Variants in ZNF423 observed in about 807,000 individuals in gnomAD.
ZNF423 encodes the protein Ebf-associated zinc finger protein.
In ZNF423, 12 loss-of-function variants were observed where a neutral mutation model predicts 95.8. The ratio of observed to expected loss-of-function variants is 0.13; its 90% CI spans 0.08 to 0.20. The LOEUF (loss-of-function observed/expected upper bound fraction) is 0.20. ZNF423 is among the 10% of genes least tolerant of loss of function. The probability of loss-of-function intolerance (pLI) is 1.00; values close to 1 mark genes in which losing one functional copy is unlikely to be tolerated. For missense variants in ZNF423, 1,316 were observed against 1,737.1 expected (o/e 0.76, Z 4.31); for synonymous variants, 749 against 711.9 (o/e 1.05, Z -0.83).
upstream of ZNF423, among the ~76,000 whole-genome samples, chr16:49,856,377 G>C (rs1311332653): frequency 6.7e-6 from 1 of 148,986 alleles, no homozygotes; most frequent in Non-Finnish European, 1.5e-5. Context: ...ATCTCAAGGG[G>C]GGAGGAGACC....
Position 49,487,854 on chromosome 16 carries a change from C to T in ZNF423, c.*3421G>A, listed in dbSNP as rs919054282. 1 of 152,276 alleles carries T rather than the reference C, an allele frequency of 6.6e-6. No homozygotes were observed. Among genetic ancestry groups the T allele is most frequent in the African/African-American group, 2.4e-5 (1 of 41,460 alleles). 9.4% of individuals were successfully genotyped at this position (152,276 alleles called of 1,614,324 possible). ...TTCTTCAGGTCTCAAGCCCCTGCCT[C>T]AGCAAGGCCTTCCTTAATGCACCCC... On this transcript the variant is annotated 3_prime_UTR_variant, in exon 8 of 8. Transcript: ENST00000563137.
chr16:49,607,424 A>G (rs1971575332), intron 5 of ZNF423, among the ~76,000 whole-genome samples: 1 of 152,142 alleles, frequency 6.6e-6, no homozygotes. Flanking sequence ...TGGGTTCTTT[A>G]CTGTGTATGT....
intron 5 of ZNF423, among the ~76,000 whole-genome samples, chr16:49,596,976 T>C (rs1971201638): frequency 1.3e-5 from 2 of 152,206 alleles, no homozygotes; most frequent in Admixed American, 1.3e-4. Context: ...ACGTGGCTCC[T>C]CTCTGCCCTG....
intron 3 of ZNF423, among the ~76,000 whole-genome samples, chr16:49,701,168 A>C (rs1328137672): frequency 6.6e-6 from 1 of 152,268 alleles, no homozygotes; most frequent in Non-Finnish European, 1.5e-5. Flanking sequence ...ACTTTTAAAA[A>C]AACAGAACCA....
rs71138011 is a variant in ZNF423, at chr16:49,845,035, C to CAAAAAAAAAAA, written c.40+10689_40+10699dup. 5.2e-4 allele frequency among the ~76,000 whole-genome samples: 33 copies of CAAAAAAAAAAA among 63,516 alleles called. 1 individual carries two copies. Among genetic ancestry groups the CAAAAAAAAAAA allele is most frequent in the East Asian group, 1.2e-3 (2 of 1,670 alleles). The allele number at this position is 63,516 out of a possible 152,430, so 41.7% of individuals were successfully genotyped here. On this transcript the variant is annotated intron_variant, in intron 1 of 7. Transcript: ENST00000563137. ...GGGCATCAAGAGCGAAACTCCATCTCAAAAAAAAAAAAAAAAAAAAAAAAA... is the reference window on the plus strand; with the variant it reads ...GGGCATCAAGAGCGAAACTCCATCTCAAAAAAAAAAAAAAAAAAAAAAAAAAAAAAAAAAAA...
intron 2 of ZNF423, among the ~76,000 whole-genome samples, chr16:49,741,997 T>C (rs1316365230): frequency 6.6e-6 from 1 of 152,226 alleles, no homozygotes; most frequent in Non-Finnish European, 1.5e-5. Context: ...GTTGGAACCA[T>C]GTCAGACACA....
chr16:49,711,794 T>A (rs1053446181), intron 3 of ZNF423: 4 of 152,140 alleles, frequency 2.6e-5, no homozygotes, highest in Non-Finnish European at 4.4e-5. Context: ...CTGAAGCCTA[T>A]CTTTGAAATT....
At chr16:49,728,332 G>A (rs755530133) in intron 3 of ZNF423, among the ~76,000 whole-genome samples, 2 of 152,278 alleles carry the variant, frequency 1.3e-5, no homozygotes, top group East Asian at 1.9e-4. Flanking sequence ...TTTACCAGGC[G>A]GTAATGAATT....
intron 1 of ZNF423, among the ~76,000 whole-genome samples, chr16:49,824,373 G>C (rs2034983561): frequency 6.6e-6 from 1 of 152,134 alleles, no homozygotes; most frequent in Non-Finnish European, 1.5e-5. Context: ...CAGGTGACAA[G>C]AGACAGAGCC....
intron 2 of ZNF423, among the ~76,000 whole-genome samples, chr16:49,763,498 T>C (rs1292327077): frequency 6.6e-6 from 1 of 152,102 alleles, no homozygotes; most frequent in African/African-American, 2.4e-5. Flanking sequence ...AGGTTTTACA[T>C]AAATGAGCAC....
chr16:49,822,001 C>T (rs1003956320), intron 1 of ZNF423, among the ~76,000 whole-genome samples: 4 of 152,150 alleles, frequency 2.6e-5, no homozygotes, highest in Non-Finnish European at 5.9e-5. Context: ...CATCCCTATC[C>T]TGCTAGAGGA....
chr16:49,700,042 A>G (rs1467510695), intron 3 of ZNF423, among the ~76,000 whole-genome samples: 1 of 151,930 alleles, frequency 6.6e-6, no homozygotes, highest in Non-Finnish European at 1.5e-5. Context: ...AAGGCCAAAG[A>G]CCCTCTGAGA....
chr16:49,637,787 G>A lies in ZNF423; in HGVS notation c.1389C>T (p.Asn463=), dbSNP rs777102272. ...GCAGCTTGCGAACGTGCTCGTTGAG[G>A]TTGTAGAGGGTGGGCATGGAGTCCA... ...ICLDSMPTLY[N]LNEHVRKLHK... Residue 463 remains asparagine (N), a synonymous_variant, in exon 4 of 8, where the codon AAC becomes AAT. Transcript: ENST00000563137. The surrounding 1 kb of genome is among the most constrained non-coding windows in gnomAD (Gnocchi z 5.6). The A allele has an allele frequency of 6.2e-7, 1 of 1,614,162 alleles. No homozygotes were observed. The highest frequency in any genetic ancestry group is 1.7e-5 in the Admixed American group (1 of 60,032).
intron 3 of ZNF423, among the ~76,000 whole-genome samples, chr16:49,706,836 C>T (rs1308081924): frequency 1.3e-5 from 2 of 152,136 alleles, no homozygotes; most frequent in Non-Finnish European, 2.9e-5. Flanking sequence ...GTAATGGCTC[C>T]GGGCACCAAC....
Position 49,686,658 on chromosome 16 carries a change from G to A in ZNF423, c.301+44113C>T, listed in dbSNP as rs1019055605. Among the ~76,000 whole-genome samples, 4 of 147,466 alleles carry A rather than the reference G, an allele frequency of 2.7e-5. No individual in the cohort carries two copies. In the East Asian group the frequency reaches 7.9e-4, roughly 29 times the overall value. ...CCACACCCAGGCTTCCTACCTGCCA[G>A]GCTTCCTACCTACCTTACTATCACT... is the stretch of plus-strand genomic sequence containing the variant. On this transcript the variant is annotated intron_variant, in intron 3 of 7. Coordinates refer to ENST00000563137, the MANE Select transcript of ZNF423 (RefSeq NM_001379286.1).
chr16:49,652,009 T>C (rs1365175055), intron 3 of ZNF423, among the ~76,000 whole-genome samples: 3 of 152,134 alleles, frequency 2.0e-5, no homozygotes, highest in Admixed American at 6.5e-5. Flanking sequence ...GAAAGGAGCT[T>C]CAAGACCCCT....
intron 7 of ZNF423, among the ~76,000 whole-genome samples, chr16:49,498,537 G>A (rs532595519): frequency 2.0e-5 from 3 of 152,312 alleles, no homozygotes; most frequent in Non-Finnish European, 2.9e-5. Flanking sequence ...GGGGAGCCAT[G>A]GAAGGTATTT....
chr16:49,720,335 G>A (rs2032828874), intron 3 of ZNF423, among the ~76,000 whole-genome samples: 1 of 152,220 alleles, frequency 6.6e-6, no homozygotes, highest in Non-Finnish European at 1.5e-5. Context: ...CCAGGCAGGA[G>A]CTGCATATAC....
intron 5 of ZNF423, among the ~76,000 whole-genome samples, chr16:49,622,764 C>T (rs1972127884): frequency 6.6e-6 from 1 of 152,198 alleles, no homozygotes; most frequent in Admixed American, 6.5e-5. Flanking sequence ...ACTCACGTAA[C>T]CTCTCTAAGC....
Sources: gnomAD v4.1 joint callset for allele counts (sites outside exome capture counted in the v4.1 genomes callset) on GRCh38, gnomAD v4.1.1 for gene constraint, Gnocchi (gnomAD v3.1) non-coding constraint, MANE v1.5 for transcripts, NCBI Gene and HGNC (gene_info 2026-07-23, HGNC 2026-07-21) for gene names.